NKAIN2: variants seen among roughly 807,000 people sequenced by gnomAD.
NKAIN2 encodes the protein sodium/potassium-transporting ATPase subunit beta-1-interacting protein 2.
In NKAIN2, 14 loss-of-function variants were observed where a neutral mutation model predicts 32.6. The ratio of observed to expected loss-of-function variants is 0.43; its 90% confidence interval spans 0.28 to 0.67. The LOEUF (loss-of-function observed/expected upper bound fraction) is 0.67, where lower values mean the gene tolerates loss of function less well. Among genes scored for constraint, NKAIN2 ranks in the 30% least tolerant of loss-of-function variants. The pLI, the probability that NKAIN2 is intolerant of heterozygous loss-of-function variation, is 0.17. For missense variants in NKAIN2, 198 were observed against 258.3 expected (o/e 0.77, Z 1.60); for synonymous variants, 80 against 87.2 (o/e 0.92, Z 0.46).
Position 124,283,119 on chromosome 6 carries a change from T to C in NKAIN2, c.169T>C (p.Tyr57His), listed in dbSNP as rs761804749. 1.9e-6 allele frequency: 3 copies of C among 1,609,390 alleles called. No individual in the cohort carries two copies. In the South Asian group the frequency reaches 3.3e-5, roughly 18 times the overall value. ...TCTTGGTTTGTTTGGAACTATTCAATATAGACCTCGTTACATAACAGGAGT... is the reference window on the plus strand; with the variant it reads ...TCTTGGTTTGTTTGGAACTATTCAACATAGACCTCGTTACATAACAGGAGT... ...VILGLFGTIQ[Y>H]RPRYITGYAV... Residue 57 changes from tyrosine to histidine, a missense_variant, in exon 2 of 7, where the codon TAT becomes CAT. Tyr to His is a moderately conservative substitution (Grantham distance 83, BLOSUM62 2). Coordinates refer to ENST00000368417, the MANE Select transcript of NKAIN2 (RefSeq NM_001040214.3).
chr6:124,127,138 C>G (rs1216848436), intron 1 of NKAIN2, among the ~76,000 whole-genome samples: 1 of 152,116 alleles, frequency 6.6e-6, no homozygotes, highest in Non-Finnish European at 1.5e-5. Context: ...ATTTGGGCAT[C>G]AGTGATGTAA....
At chr6:124,596,390 C>T (rs1782086949) in intron 3 of NKAIN2, among the ~76,000 whole-genome samples, 1 of 152,090 alleles carries the variant, frequency 6.6e-6, no homozygotes, top group East Asian at 1.9e-4. Context: ...TGTGTGAGAG[C>T]CCCACAGGGC....
At chr6:124,297,658 A>T (rs1288306962) in intron 2 of NKAIN2, among the ~76,000 whole-genome samples, 3 of 150,980 alleles carry the variant, frequency 2.0e-5, no homozygotes, top group African/African-American at 7.4e-5. Context: ...CATGCTTATT[A>T]TTGTTCTTTT....
rs553171561 is a variant in NKAIN2, at chr6:124,131,163, T to A, written c.55-151842T>A. 2.6e-5 allele frequency among the ~76,000 whole-genome samples: 4 copies of A among 152,314 alleles called. No individual in the cohort carries two copies. In the South Asian group the frequency reaches 8.3e-4, roughly 32 times the overall value. ...TTGTTGTTGTTGTTTGTTTGTTTTT[T>A]TGATACAGTCTTCCTCTGTCACCCA... is the stretch of plus-strand genomic sequence containing the variant. On this transcript the variant is annotated intron_variant, in intron 1 of 6. Transcript: ENST00000368417.
At chr6:124,809,787 GA>G (rs1358948541) in intron 5 of NKAIN2, among the ~76,000 whole-genome samples, 16 of 151,680 alleles carry the variant, frequency 1.1e-4, no homozygotes, top group African/African-American at 3.9e-4. Context: ...AAATTTACAA[GA>G]AAAAAACAAA....
chr6:124,253,878 G>T (rs1340100420), intron 1 of NKAIN2, among the ~76,000 whole-genome samples: 1 of 148,944 alleles, frequency 6.7e-6, no homozygotes, highest in African/African-American at 2.5e-5. Flanking sequence ...TGTCACCCAG[G>T]CTGGAGTGTA....
intron 1 of NKAIN2, among the ~76,000 whole-genome samples, chr6:123,809,227 T>C (rs1057231905): frequency 1.3e-5 from 2 of 152,154 alleles, no homozygotes; most frequent in African/African-American, 4.8e-5. Flanking sequence ...TTTTCTGATA[T>C]AATGAACTCT....
intron 1 of NKAIN2, among the ~76,000 whole-genome samples, chr6:124,156,064 G>A (rs886987187): frequency 6.6e-6 from 1 of 151,976 alleles, no homozygotes; most frequent in African/African-American, 2.4e-5. Flanking sequence ...CTTTTGAATA[G>A]GAGTAAAGGT....
chr6:123,872,747 G>A (rs577751641), intron 1 of NKAIN2, among the ~76,000 whole-genome samples: 129 of 152,260 alleles, frequency 8.5e-4, no homozygotes, highest in Middle Eastern at 6.8e-3. Flanking sequence ...AAATCACTTG[G>A]CTCCTAATTT....
intron 1 of NKAIN2, among the ~76,000 whole-genome samples, chr6:124,257,824 G>A (rs1344670470): frequency 6.7e-5 from 10 of 148,682 alleles, no homozygotes; most frequent in Admixed American, 6.7e-4. Context: ...TGTTGCCCAG[G>A]CTGGAGTACA....
Position 124,573,032 on chromosome 6 carries a change from G to A in NKAIN2, c.274-85154G>A, listed in dbSNP as rs535532350. Reference sequence around the variant, plus strand: ...TTTTTGTATTTTTAGTAGAGATGGGGTTTCACTCCGTTGGCCAAGCTGGTC... The same window carrying A: ...TTTTTGTATTTTTAGTAGAGATGGGATTTCACTCCGTTGGCCAAGCTGGTC... On this transcript the variant is annotated intron_variant, in intron 3 of 6. Coordinates refer to ENST00000368417, the MANE Select transcript of NKAIN2 (RefSeq NM_001040214.3). Among the ~76,000 whole-genome samples, 9 of 152,086 alleles carry A rather than the reference G, an allele frequency of 5.9e-5. No individual in the cohort carries two copies. In the South Asian group the frequency reaches 1.9e-3, roughly 32 times the overall value.
intron 5 of NKAIN2, among the ~76,000 whole-genome samples, chr6:124,816,424 A>T (rs1011509020): frequency 6.6e-6 from 1 of 152,116 alleles, no homozygotes; most frequent in Non-Finnish European, 1.5e-5. Flanking sequence ...TAAACTATGG[A>T]CTTTGGATGA....
chr6:124,403,685 T>C (rs1239429478), intron 3 of NKAIN2, among the ~76,000 whole-genome samples: 1 of 152,172 alleles, frequency 6.6e-6, no homozygotes, highest in Non-Finnish European at 1.5e-5. Flanking sequence ...AGGGAGTTTA[T>C]GTTTTAGTGG....
chr6:124,144,871 A>C (rs1787321531), intron 1 of NKAIN2, among the ~76,000 whole-genome samples: 1 of 152,198 alleles, frequency 6.6e-6, no homozygotes, highest in Admixed American at 6.5e-5. Flanking sequence ...TCTGTAGACC[A>C]CAAAGAGGTC....
intron 4 of NKAIN2, among the ~76,000 whole-genome samples, chr6:124,739,508 C>A (rs916956087): frequency 6.6e-6 from 1 of 151,826 alleles, no homozygotes; most frequent in Non-Finnish European, 1.5e-5. Context: ...ACCAATGACC[C>A]TTCCACAGTG....
chr6:124,429,404 G>A (rs1354402284), intron 3 of NKAIN2, among the ~76,000 whole-genome samples: 2 of 151,830 alleles, frequency 1.3e-5, no homozygotes, highest in Non-Finnish European at 2.9e-5. Flanking sequence ...TGCTGCATTG[G>A]CTGAGATAAC....
At chr6:123,878,715 C>G (rs1469251711) in intron 1 of NKAIN2, among the ~76,000 whole-genome samples, 3 of 152,118 alleles carry the variant, frequency 2.0e-5, no homozygotes, top group African/African-American at 7.2e-5. Flanking sequence ...TACTGATGCT[C>G]TGAATGCTGC....
At chr6:124,122,773 CTT>C (rs1455931050) in intron 1 of NKAIN2, among the ~76,000 whole-genome samples, 2 of 152,076 alleles carry the variant, frequency 1.3e-5, no homozygotes, top group Admixed American at 1.3e-4. Flanking sequence ...TGATAAAACT[CTT>C]TGCCCCTGGT....
rs576491925 is a variant in NKAIN2, at chr6:124,462,397, G to GT, written c.273+107051dup. Among the ~76,000 whole-genome samples the GT allele has an allele frequency of 9.9e-5, 15 of 151,996 alleles. No homozygotes were observed. In the South Asian group the frequency reaches 3.1e-3, roughly 31 times the overall value. On this transcript the variant is annotated intron_variant, in intron 3 of 6. Coordinates refer to ENST00000368417, the MANE Select transcript of NKAIN2 (RefSeq NM_001040214.3). ...ATTTAAATATTAGTACAAAAATATTGTAACAGCCTATGCATATTTGAGAAT... is the reference window on the plus strand; with the variant it reads ...ATTTAAATATTAGTACAAAAATATTGTTAACAGCCTATGCATATTTGAGAAT...
Sources: gnomAD v4.1 joint callset for allele counts (sites outside exome capture counted in the v4.1 genomes callset) on GRCh38, gnomAD v4.1.1 for gene constraint, MANE v1.5 for transcripts, NCBI Gene and HGNC (gene_info 2026-07-23, HGNC 2026-07-21) for gene names.